Variants in PFKFB2 observed in about 807,000 individuals in gnomAD.
PFKFB2 encodes the protein 6-phosphofructo-2-kinase/fructose-2,6-bisphosphatase 2.
PFKFB2 carries 53 observed loss-of-function variants against 68.0 expected under a neutral mutation model. The observed-to-expected ratio is 0.78, with a 90% CI of 0.63 to 0.98. PFKFB2 has a LOEUF of 0.98. Ranked by LOEUF, PFKFB2 falls within the 50% of genes least tolerant of loss-of-function variation. PFKFB2 has a pLI of 0.00. For synonymous variants in PFKFB2, 222 were observed against 227.6 expected, an observed-to-expected ratio of 0.98 and a Z score of 0.22; for missense variants, 451 against 642.0, an observed-to-expected ratio of 0.70 and a Z score of 3.22.
chr1:207,063,618 G>A lies in PFKFB2; in HGVS notation c.451-155G>A, dbSNP rs904657313. The stretch of plus-strand genomic sequence containing the variant: ...GTTAGCCTGTATGTTTGAGGCCCAG[G>A]GGCTGTGGTAAGAGCTATGAGGAGG... On this transcript the variant is annotated intron_variant, in intron 6 of 14. Transcript: ENST00000367080. This position sits in a 1 kb window ranked among gnomAD's most constrained non-coding sequence, Gnocchi z 4.1. Among the ~76,000 whole-genome samples the A allele has an allele frequency of 2.0e-5, 3 of 152,118 alleles. No homozygotes were observed. The highest frequency in any genetic ancestry group is 7.2e-5 in the African/African-American group (3 of 41,404).
At chr1:207,057,302 CAAAAAAAAAA>C (rs748726221) in intron 2 of PFKFB2, among the ~76,000 whole-genome samples, 5 of 40,388 alleles carry the variant, frequency 1.2e-4, no homozygotes, top group African/African-American at 4.5e-4. Flanking sequence ...AAAAAAACTA[CAAAAAAAAAA>C]AAAAAAAAAA....
At chr1:207,045,343 TTGAG>T (rs1426419290) in intron 2 of PFKFB2, 1 of 152,516 alleles carries the variant, frequency 6.6e-6, no homozygotes, top group Non-Finnish European at 1.5e-5. Flanking sequence ...GTTACTGAAA[TTGAG>T]TTCTACTGTT....
Position 207,063,849 on chromosome 1 carries a change from A to T in PFKFB2, c.507+20A>T. 1 of 1,581,668 alleles carries T rather than the reference A, an allele frequency of 6.3e-7. No homozygotes were observed. The highest frequency in any genetic ancestry group is 1.4e-5 in the African/African-American group (1 of 73,580). On this transcript the variant is annotated intron_variant, in intron 7 of 14. Transcript: ENST00000367080. The surrounding 1 kb of genome is among the most constrained non-coding windows in gnomAD (Gnocchi z 4.1). ...ATTCTGGTTGGTGACACCCCTACATATCATCTCCTCTTCACCTTTTGTGCT... is the reference window on the plus strand; with the variant it reads ...ATTCTGGTTGGTGACACCCCTACATTTCATCTCCTCTTCACCTTTTGTGCT...
downstream of PFKFB2, chr1:207,079,033 C>T (rs1683700974): frequency 1.2e-6 from 2 of 1,602,386 alleles, no homozygotes. Flanking sequence ...TGTGGATGTT[C>T]AGGCCTCACC....
downstream of PFKFB2, among the ~76,000 whole-genome samples, chr1:207,078,741 G>A (rs117346480): frequency 6.6e-6 from 1 of 152,322 alleles, no homozygotes; most frequent in East Asian, 1.9e-4. Context: ...ATGGTCACGA[G>A]GTCAGCTCCT....
At chr1:207,069,650 G>T in intron 11 of PFKFB2, 122 bp downstream of exon 11, 1 of 639,500 alleles carries the variant, frequency 1.6e-6, no homozygotes, top group Non-Finnish European at 2.8e-6. Context: ...CCTTCCCTTG[G>T]GTCATTTTGG....
In PFKFB2 at chr1:207,075,387, G is replaced by A; in HGVS notation, c.*3016G>A. ...AGCAAGATCCCTTCAGAGAAGTCTA[G>A]CAGGAAGAAGCCAGGAGAATGTAGA... On this transcript the variant is annotated 3_prime_UTR_variant, in exon 15 of 15. Coordinates refer to ENST00000367080, the MANE Select transcript of PFKFB2 (RefSeq NM_006212.2). 1.0e-6 allele frequency: 1 copy of A among 985,458 alleles called. No individual in the cohort carries two copies. Among genetic ancestry groups the A allele is most frequent in the Non-Finnish European group, 1.2e-6 (1 of 829,942 alleles). 61.0% of individuals were successfully genotyped at this position (985,458 alleles called of 1,614,324 possible). A position where few individuals can be genotyped will look rare whatever the true frequency, so the allele number is the denominator to read the frequency against.
chr1:207,072,628 G>T lies in PFKFB2; in HGVS notation c.*257G>T. ...AGTCTTTTAGGACAGATTCTCAGAT[G>T]GGATGATCTGGAGGAGGAGGAAAAA... On this transcript the variant is annotated 3_prime_UTR_variant, in exon 15 of 15. Coordinates refer to ENST00000367080, the MANE Select transcript of PFKFB2 (RefSeq NM_006212.2). 2 of 1,240,202 alleles carry T rather than the reference G, an allele frequency of 1.6e-6. No homozygotes were observed. The highest frequency in any genetic ancestry group is 3.8e-5 in the East Asian group (1 of 26,610). The allele number at this position is 1,240,202 out of a possible 1,614,324, so 76.8% of individuals were successfully genotyped here. A position where few individuals can be genotyped will look rare whatever the true frequency, so the allele number is the denominator to read the frequency against.
rs893773327 is a variant in PFKFB2 at position 207,073,573 on chromosome 1, G to A, written c.*1202G>A. 1.0e-6 allele frequency: 1 copy of A among 985,236 alleles called. No homozygotes were observed. Among genetic ancestry groups the A allele is most frequent in the Non-Finnish European group, 1.2e-6 (1 of 829,754 alleles). 61.0% of individuals were successfully genotyped at this position (985,236 alleles called of 1,614,324 possible). The stretch of plus-strand genomic sequence containing the variant: ...TTTTTTCCCAAATGTGGAAAAGCTT[G>A]ATGATGAATTTAATCTCTCTCATTG... On this transcript the variant is annotated 3_prime_UTR_variant, in exon 15 of 15. Transcript: ENST00000367080.
At chr1:207,038,868 A>G (rs967449826) in intron 1 of PFKFB2, among the ~76,000 whole-genome samples, 2 of 152,118 alleles carry the variant, frequency 1.3e-5, no homozygotes, top group African/African-American at 4.8e-5. Flanking sequence ...TATACCCACC[A>G]CCTAGGGAAG....
intron 2 of PFKFB2, chr1:207,047,453 G>A (rs1682626973): frequency 6.6e-6 from 1 of 152,522 alleles, no homozygotes; most frequent in Admixed American, 6.5e-5. Flanking sequence ...ACATTTGCTA[G>A]GCAGATATGC....
rs6660341 is a variant in PFKFB2, at chr1:207,070,051, T to C, written c.1093-229T>C. Among the ~76,000 whole-genome samples the C allele has an allele frequency of 0.022, 3,290 of 152,346 alleles. 128 individuals carry two copies. Among genetic ancestry groups the C allele is most frequent in the African/African-American group, 0.075 (3,108 of 41,566 alleles). ...ACACAGGTTGAACTCACACTTCCTCTTCTTAACCTGTAGTTTTCTTGGTCT... is the reference window on the plus strand; with the variant it reads ...ACACAGGTTGAACTCACACTTCCTCCTCTTAACCTGTAGTTTTCTTGGTCT... On this transcript the variant is annotated intron_variant, in intron 11 of 14. Transcript: ENST00000367080. This position sits in a 1 kb window ranked among gnomAD's most constrained non-coding sequence, Gnocchi z 4.2.
downstream of PFKFB2, among the ~76,000 whole-genome samples, chr1:207,078,685 G>A (rs555128789): frequency 1.2e-3 from 181 of 152,272 alleles, no homozygotes; most frequent in Non-Finnish European, 1.4e-3. Flanking sequence ...TCATATCTTG[G>A]GTATGTAGCT....
rs1344023215 is a variant in PFKFB2, at chr1:207,071,213, T to A, written c.1248T>A (p.Pro416=). Residue 416 remains proline (P), a synonymous_variant, in exon 13 of 15, where the codon CCT becomes CCA. Coordinates refer to ENST00000367080, the MANE Select transcript of PFKFB2 (RefSeq NM_006212.2). ...GADELPYLRC[P]LHTIFKLTPV... Reference sequence around the variant, plus strand: ...ATGAGCTACCATACTTGAGATGCCCTCTCCATACCATCTTCAAACTTACTC... The same window carrying A: ...ATGAGCTACCATACTTGAGATGCCCACTCCATACCATCTTCAAACTTACTC... 2 of 1,613,818 alleles carry A rather than the reference T, an allele frequency of 1.2e-6. No homozygotes were observed. Among genetic ancestry groups the A allele is most frequent in the South Asian group, 1.1e-5 (1 of 91,084 alleles).
At chr1:207,042,707 C>G (rs575914785) in intron 2 of PFKFB2, among the ~76,000 whole-genome samples, 1 of 152,082 alleles carries the variant, frequency 6.6e-6, no homozygotes, top group African/African-American at 2.4e-5. Flanking sequence ...TTTGTCAAAC[C>G]AACTATAAAG....
downstream of PFKFB2, chr1:207,077,896 A>C (rs775776476): frequency 4.7e-6 from 3 of 644,660 alleles, no homozygotes; most frequent in Non-Finnish European, 5.8e-6. Context: ...ACTTTGCCTC[A>C]TGCTGCACAA....
chr1:207,057,684 G>A (rs1208588128), intron 2 of PFKFB2, among the ~76,000 whole-genome samples: 1 of 152,084 alleles, frequency 6.6e-6, no homozygotes, highest in Non-Finnish European at 1.5e-5. Context: ...TTCCAAATTT[G>A]ATTCTTTTAG....
upstream of PFKFB2, chr1:207,049,007 A>G: frequency 6.2e-7 from 1 of 1,607,576 alleles, no homozygotes; most frequent in Non-Finnish European, 8.5e-7. Context: ...TTCAACCCTC[A>G]TTCATGCATA....
chr1:207,076,503 G>A lies in PFKFB2; in HGVS notation c.*4132G>A, dbSNP rs1449914114. On this transcript the variant is annotated 3_prime_UTR_variant, in exon 15 of 15. Transcript: ENST00000367080. ...TTGAAAATATGTAACAACTGAGTCG[G>A]GTTGCAGCACTGGTGGGGTAGAATC... The A allele has an allele frequency of 2.3e-5, 23 of 985,166 alleles. No homozygotes were observed. The Admixed American group carries it at 9.2e-4, about 40-fold the overall frequency. 61.0% of individuals were successfully genotyped at this position (985,166 alleles called of 1,614,324 possible).
Sources: gnomAD v4.1 joint callset for allele counts (sites outside exome capture counted in the v4.1 genomes callset) on GRCh38, gnomAD v4.1.1 for gene constraint, Gnocchi (gnomAD v3.1) non-coding constraint, MANE v1.5 for transcripts, NCBI Gene and HGNC (gene_info 2026-07-23, HGNC 2026-07-21) for gene names.